The following AP3D1 variants were observed in gnomAD, a reference collection of about 807,000 sequenced individuals.
AP3D1 encodes the protein adaptor related protein complex 3 subunit delta 1, also known as AP-3 complex subunit delta-1.
Under a neutral mutation model 147.6 loss-of-function variants are expected in AP3D1, and 51 were observed. The ratio of observed to expected loss-of-function variants is 0.35; its 90% CI spans 0.28 to 0.44. The LOEUF (loss-of-function observed/expected upper bound fraction) is 0.44, where lower values mean the gene tolerates loss of function less well. AP3D1 is among the 20% of genes least tolerant of loss of function. AP3D1 has a pLI of 1.00. For missense variants in AP3D1, 1,421 were observed against 1,624.2 expected (o/e 0.87, Z 2.15); for synonymous variants, 760 against 663.0 (o/e 1.15, Z -2.25).
intron 28 of AP3D1, 56 bp from the exon 29 acceptor site, chr19:2,110,014 T>C: frequency 6.2e-7 from 1 of 1,600,430 alleles, no homozygotes; most frequent in Non-Finnish European, 8.6e-7. Flanking sequence ...AGCTCAGGGC[T>C]CAGGGTTCCC....
At chr19:2,155,848 T>C (rs1006695322), upstream of AP3D1, among the ~76,000 whole-genome samples, 12 of 151,784 alleles carry the variant, frequency 7.9e-5, no homozygotes, top group African/African-American at 2.4e-4. Context: ...GTCAGGAGAT[T>C]GAGACCATCC....
chr19:2,156,261 A>G (rs2019644652), upstream of AP3D1, among the ~76,000 whole-genome samples: 11 of 152,104 alleles, frequency 7.2e-5, no homozygotes. Flanking sequence ...GACATTTGTC[A>G]TCAGTCCTAG....
Position 2,118,647 on chromosome 19 carries a change from C to T in AP3D1, c.1667G>A (p.Arg556Gln), listed in dbSNP as rs752015429. 28 of 1,612,490 alleles carry T rather than the reference C, an allele frequency of 1.7e-5. No individual in the cohort carries two copies. The East Asian group carries it at 5.1e-4, about 30-fold the overall frequency. The part of the protein sequence containing the change: ...AQAVTQLMVD[R>Q]LPQFVQSADL... ...TGCGCTCTGCACAAACTGGGGCAGC[C>T]GGTCCACCATGAGCTGGGTGACGGC... The change falls in exon 15 of 32, where the codon CGG becomes CAG. Residue 556 changes from arginine (R) to glutamine (Q), a missense_variant. Physicochemically the swap from Arg to Gln is conservative, Grantham distance 43. Around this residue, in one of 6 missense-constraint regions of AP3D1, gnomAD observed 310 missense variants for 388.1 expected, o/e 0.80. Coordinates refer to ENST00000643116, the MANE Select transcript of AP3D1 (RefSeq NM_001261826.3).
At chr19:2,113,882 G>A (rs965444268) in intron 22 of AP3D1, among the ~76,000 whole-genome samples, 3 of 152,220 alleles carry the variant, frequency 2.0e-5, no homozygotes, top group Non-Finnish European at 4.4e-5. Flanking sequence ...CCCCAACACA[G>A]GTGAGGACAC....
At chr19:2,132,131 G>T (rs563266855) in intron 5 of AP3D1, among the ~76,000 whole-genome samples, 2 of 152,116 alleles carry the variant, frequency 1.3e-5, no homozygotes, top group South Asian at 4.1e-4. Flanking sequence ...CTGTGGCCAG[G>T]GATGGAGGAA....
intron 1 of AP3D1, among the ~76,000 whole-genome samples, chr19:2,149,302 C>A (rs1166009589): frequency 6.6e-6 from 1 of 152,170 alleles, no homozygotes; most frequent in Non-Finnish European, 1.5e-5. Flanking sequence ...TTCTAACACT[C>A]TGGGAGGCTA....
At chr19:2,115,071 G>A in intron 20 of AP3D1, 148 bp downstream of exon 20, 2 of 896,038 alleles carry the variant, frequency 2.2e-6, no homozygotes, top group Non-Finnish European at 3.4e-6. Context: ...CTCGAGGACA[G>A]AGAGGCCTCT....
intron 24 of AP3D1, 93 bp downstream of exon 24, chr19:2,112,767 G>A: frequency 1.0e-6 from 1 of 972,008 alleles, no homozygotes; most frequent in Non-Finnish European, 1.5e-6. Context: ...GGGCTGCCCT[G>A]GGACCTGGGT....
At chr19:2,116,143 CCGCGGGG>C in intron 18 of AP3D1, 57 bp downstream of exon 18, 1 of 1,520,802 alleles carries the variant, frequency 6.6e-7, no homozygotes, top group Non-Finnish European at 9.1e-7. Flanking sequence ...CAGATGGATG[CCGCGGGG>C]CTCGGGTGGT....
chr19:2,130,646 T>C, intron 5 of AP3D1, 109 bp from the exon 6 acceptor site: 1 of 1,517,220 alleles, frequency 6.6e-7, no homozygotes, highest in Non-Finnish European at 8.9e-7. Flanking sequence ...AGCCCGACGC[T>C]GTGGCTGCAC....
At chr19:2,159,658 G>A (rs565169549) in intron 1 of AP3D1, among the ~76,000 whole-genome samples, 1 of 150,398 alleles carries the variant, frequency 6.6e-6, no homozygotes, top group Non-Finnish European at 1.5e-5. Flanking sequence ...AAAGTGCTGG[G>A]ATTATAGGTG....
chr19:2,130,023 TCAC>T (rs1477040744), intron 6 of AP3D1, among the ~76,000 whole-genome samples: 2 of 152,164 alleles, frequency 1.3e-5, no homozygotes, highest in African/African-American at 4.8e-5. Context: ...CGTCCCGCAG[TCAC>T]CACACCACAA....
chr19:2,146,095 C>T (rs992750116), intron 1 of AP3D1, among the ~76,000 whole-genome samples: 2 of 152,186 alleles, frequency 1.3e-5, no homozygotes, highest in Non-Finnish European at 2.9e-5. Context: ...GGAAACCACC[C>T]ACATGTCCGA....
chr19:2,124,634 G>A (rs1003364554), intron 9 of AP3D1, among the ~76,000 whole-genome samples: 2 of 152,140 alleles, frequency 1.3e-5, no homozygotes, highest in Non-Finnish European at 2.9e-5. Flanking sequence ...AAGCTATGAG[G>A]ACGCAAAAGC....
intron 1 of AP3D1, among the ~76,000 whole-genome samples, chr19:2,146,853 T>C (rs2238610): frequency 0.5 from 75,422 of 151,816 alleles, 18,809 homozygotes; most frequent in African/African-American, 0.52. Flanking sequence ...CCAAGAGACA[T>C]TCTGGTCTGG....
upstream of AP3D1, among the ~76,000 whole-genome samples, chr19:2,153,944 G>T (rs2019624667): frequency 2.5e-5 from 2 of 80,866 alleles, no homozygotes; most frequent in South Asian, 6.8e-4. Context: ...TGCCCAGCCT[G>T]AATTTTTTTT....
chr19:2,128,637 C>CATGG (rs2018839912), intron 8 of AP3D1, among the ~76,000 whole-genome samples: 1 of 15,524 alleles, frequency 6.4e-5, no homozygotes, highest in African/African-American at 1.8e-4. Context: ...CCCCGCCGCT[C>CATGG]CGACACTGCA....
At chr19:2,125,915 G>A (rs2018742690) in intron 9 of AP3D1, among the ~76,000 whole-genome samples, 3 of 152,000 alleles carry the variant, frequency 2.0e-5, no homozygotes, top group Admixed American at 6.5e-5. Context: ...GAGAGGTCAA[G>A]GCAGGAGGAT....
intron 9 of AP3D1, among the ~76,000 whole-genome samples, chr19:2,124,816 T>G (rs1174715923): frequency 1.4e-4 from 22 of 152,162 alleles, no homozygotes; most frequent in Non-Finnish European, 1.5e-5. Flanking sequence ...GGAGCATGTC[T>G]GTAACCCCAG....
Sources: allele counts gnomAD v4.1 joint callset (sites outside exome capture counted in the v4.1 genomes callset), GRCh38; gene constraint gnomAD v4.1.1; regional missense constraint gnomAD v4.1.1; transcripts MANE v1.5; gene names NCBI Gene and HGNC (gene_info 2026-07-23, HGNC 2026-07-21).